DMD: variants seen among roughly 807,000 people sequenced by gnomAD.
DMD encodes the protein dystrophin.
DMD carries 63 observed loss-of-function variants against 330.1 expected under a neutral mutation model. The ratio of observed to expected loss-of-function variants is 0.19; its 90% confidence interval spans 0.16 to 0.24. The LOEUF (loss-of-function observed/expected upper bound fraction) is 0.24, where lower values mean the gene tolerates loss of function less well. DMD is among the 10% of genes least tolerant of loss of function. The pLI is 1.00. For synonymous variants in DMD, 1,223 were observed against 959.8 expected, an observed-to-expected ratio of 1.27 and a Z score of -5.07; for missense variants, 3,344 against 2,684.1, an observed-to-expected ratio of 1.25 and a Z score of -5.43.
At chrX:32,945,307 G>A (rs187651606) in intron 2 of DMD, among the ~76,000 whole-genome samples, 44 of 111,248 alleles carry the variant, frequency 4.0e-4, no homozygotes, top group Non-Finnish European at 7.0e-4. Flanking sequence ...AGAGAAATTA[G>A]CATTTAGAAA....
At chrX:32,788,943 G>A (rs774731242) in intron 7 of DMD, among the ~76,000 whole-genome samples, 10 of 111,747 alleles carry the variant, frequency 8.9e-5, no homozygotes, top group African/African-American at 2.9e-4. Flanking sequence ...AGAACACAGT[G>A]ATGTCAATTA....
intron 4 of DMD, among the ~76,000 whole-genome samples, chrX:32,828,965 A>AG (rs1023992873): frequency 1.8e-5 from 2 of 111,602 alleles, no homozygotes; most frequent in Admixed American, 1.9e-4. Context: ...TCTATATGGT[A>AG]GTTTTCTTTT....
intron 27 of DMD, among the ~76,000 whole-genome samples, chrX:32,447,604 C>T (rs966452365): frequency 3.6e-5 from 4 of 111,349 alleles, no homozygotes; most frequent in Non-Finnish European, 7.6e-5. Context: ...AGGAAGCAAA[C>T]TAAATAATGT....
At chrX:32,764,957 GTTTTTT>G (rs35691071) in intron 7 of DMD, among the ~76,000 whole-genome samples, 1 of 91,960 alleles carries the variant, frequency 1.1e-5, no homozygotes, top group African/African-American at 3.9e-5. Flanking sequence ...TATTTTCTGG[GTTTTTT>G]TTTTTTTTTT....
intron 1 of DMD, among the ~76,000 whole-genome samples, chrX:33,328,266 C>T (rs1235450537): frequency 1.8e-5 from 2 of 111,227 alleles, no homozygotes; most frequent in Non-Finnish European, 1.9e-5. Flanking sequence ...TGCACTGGCA[C>T]GATCTTGACT....
At chrX:31,971,465 G>T (rs1461210254) in intron 44 of DMD, among the ~76,000 whole-genome samples, 1 of 111,362 alleles carries the variant, frequency 9.0e-6, no homozygotes, top group Non-Finnish European at 1.9e-5. Context: ...CATTTGTATA[G>T]AATCGCAAAT....
At chrX:31,662,792 G>C (rs1328300654) in intron 53 of DMD, among the ~76,000 whole-genome samples, 1 of 111,785 alleles carries the variant, frequency 8.9e-6, no homozygotes, top group South Asian at 3.8e-4. Flanking sequence ...CCTCCGGCTT[G>C]TCCTGAAGTG....
intron 43 of DMD, among the ~76,000 whole-genome samples, chrX:32,231,575 T>C (rs1208169542): frequency 1.8e-5 from 2 of 111,947 alleles, no homozygotes; most frequent in Non-Finnish European, 3.8e-5. Flanking sequence ...TACAAATACA[T>C]AAATAAAACT....
chrX:32,625,625 G>A (rs1355284365), intron 11 of DMD, among the ~76,000 whole-genome samples: 3 of 111,960 alleles, frequency 2.7e-5, no homozygotes, highest in Non-Finnish European at 3.8e-5. Flanking sequence ...AATAGTACAT[G>A]TTTTCATTAA....
intron 1 of DMD, among the ~76,000 whole-genome samples, chrX:33,104,926 A>C (rs2095272933): frequency 8.9e-6 from 1 of 112,454 alleles, no homozygotes; most frequent in African/African-American, 3.2e-5. Flanking sequence ...TGTAATTATC[A>C]GAGCTAAATA....
chrX:32,280,053 T>C (rs2097411115), intron 43 of DMD, among the ~76,000 whole-genome samples: 1 of 61,595 alleles, frequency 1.6e-5, no homozygotes, highest in African/African-American at 5.6e-5. Flanking sequence ...ATATATACAC[T>C]ATGTATGTGT....
At chrX:32,204,236 C>T (rs1019632304) in intron 44 of DMD, among the ~76,000 whole-genome samples, 3 of 111,825 alleles carry the variant, frequency 2.7e-5, no homozygotes, top group Admixed American at 9.5e-5. Context: ...CATTTATTAG[C>T]TTTATGATTT....
rs746821080 is a variant in DMD at position 32,332,388 on chromosome X, ATAAAT to A, written c.5922+9707_5922+9711del. ...CTGGTCATGCACTTTATTGAGAAAA[ATAAAT>A]GAGGAAAGCATGGATAAAAAGTGTG... On this transcript the variant is annotated intron_variant, in intron 41 of 78. Transcript: ENST00000357033. 2.6e-4 allele frequency among the ~76,000 whole-genome samples: 26 copies of A among 100,073 alleles called. 1 individual carries two copies. In the East Asian group the frequency reaches 5.6e-3, roughly 22 times the overall value. The allele number at this position is 100,073 out of a possible 115,157, so 86.9% of individuals were successfully genotyped here.
At chrX:32,630,463 T>C (rs1317815608) in intron 11 of DMD, among the ~76,000 whole-genome samples, 1 of 110,982 alleles carries the variant, frequency 9.0e-6, no homozygotes, top group African/African-American at 3.3e-5. Flanking sequence ...TACTTGAATT[T>C]TAATCTCTCT....
Position 33,337,082 on chromosome X carries a change from A to T in DMD, c.7+2177T>A, listed in dbSNP as rs2054265855. 2.7e-5 allele frequency among the ~76,000 whole-genome samples: 3 copies of T among 111,760 alleles called. No homozygotes were observed. In the South Asian group the frequency reaches 1.1e-3, roughly 41 times the overall value. On this transcript the variant is annotated intron_variant, in intron 1 of 17. Transcript: ENST00000288447. ...GCCTAAACTATAAACTAAAAAATAC[A>T]AAAACACAGTTTGGGGATTCCAGTG...
intron 7 of DMD, among the ~76,000 whole-genome samples, chrX:32,768,976 C>T (rs2073303698): frequency 8.9e-6 from 1 of 111,813 alleles, no homozygotes; most frequent in African/African-American, 3.3e-5. Flanking sequence ...TATGCATCAC[C>T]TCTACCACAA....
chrX:32,790,070 C>T (rs1002721590), intron 7 of DMD, among the ~76,000 whole-genome samples: 1 of 111,714 alleles, frequency 9.0e-6, no homozygotes, highest in East Asian at 2.8e-4. Context: ...TAACTCCACA[C>T]GATTGCCATA....
intron 7 of DMD, among the ~76,000 whole-genome samples, chrX:32,754,709 G>A (rs2071282969): frequency 9.0e-6 from 1 of 111,100 alleles, no homozygotes; most frequent in Admixed American, 9.6e-5. Context: ...AATTTTCACG[G>A]CAAATCTGTA....
At chrX:32,326,933 A>G (rs1326064661) in intron 41 of DMD, among the ~76,000 whole-genome samples, 1 of 109,655 alleles carries the variant, frequency 9.1e-6, no homozygotes, top group Non-Finnish European at 1.9e-5. Flanking sequence ...TATTTACCTA[A>G]CTATATGAAT....
Sources: allele counts gnomAD v4.1 joint callset (sites outside exome capture counted in the v4.1 genomes callset), GRCh38; gene constraint gnomAD v4.1.1; transcripts MANE v1.5; gene names NCBI Gene and HGNC (gene_info 2026-07-23, HGNC 2026-07-21).